The following PCLO variants were observed in gnomAD, a reference collection of about 807,000 sequenced individuals.
PCLO encodes the protein piccolo presynaptic cytomatrix protein, also known as protein piccolo.
PCLO carries 82 observed loss-of-function variants against 427.5 expected under a neutral mutation model. That is an observed-to-expected ratio of 0.19 (90% CI 0.16 to 0.23). The LOEUF (loss-of-function observed/expected upper bound fraction) is 0.23. Among genes scored for constraint, PCLO ranks in the 10% least tolerant of loss-of-function variants. The probability of loss-of-function intolerance (pLI) is 1.00; values close to 1 mark genes in which losing one functional copy is unlikely to be tolerated. For missense variants in PCLO, 6,239 were observed against 6,115.9 expected (o/e 1.02, Z -0.67); for synonymous variants, 2,357 against 2,155.4 (o/e 1.09, Z -2.59).
At chr7:82,855,653 G>T (rs1186177770) in intron 10 of PCLO, among the ~76,000 whole-genome samples, 1 of 152,108 alleles carries the variant, frequency 6.6e-6, no homozygotes, top group East Asian at 1.9e-4. Context: ...CTTATGGTGA[G>T]TAAACAGTGA....
At chr7:83,006,303 AT>A (rs1780337176) in intron 3 of PCLO, among the ~76,000 whole-genome samples, 2 of 151,720 alleles carry the variant, frequency 1.3e-5, no homozygotes, top group Admixed American at 1.3e-4. Context: ...TTAGAATTAC[AT>A]GTTTAAAAAC....
Position 82,950,031 on chromosome 7 carries a change from T to C in PCLO, c.10557A>G (p.Gln3519=), listed in dbSNP as rs755651894. ...TTTGCACAGATATCTCTGCTACCGT[T>C]TGAACTGCTATGCTGGAGACTTTGG... is the stretch of plus-strand genomic sequence containing the variant. ...PLSKVSSIAV[Q]TVAEISVQTE... The change falls in exon 6 of 25, where the codon CAA becomes CAG. Residue 3519 remains glutamine (Q), a synonymous_variant. Coordinates refer to ENST00000333891, the MANE Select transcript of PCLO (RefSeq NM_033026.6). The C allele has an allele frequency of 6.2e-7, 1 of 1,613,034 alleles. No individual in the cohort carries two copies. The highest frequency in any genetic ancestry group is 8.5e-7 in the Non-Finnish European group (1 of 1,179,716).
intron 22 of PCLO, among the ~76,000 whole-genome samples, chr7:82,785,613 T>C (rs1464872414): frequency 6.6e-6 from 1 of 151,992 alleles, no homozygotes; most frequent in Admixed American, 6.6e-5. Context: ...ATTGGCGCAA[T>C]GATGGAGGCA....
chr7:83,049,641 A>G (rs1004406276), intron 3 of PCLO, among the ~76,000 whole-genome samples: 3 of 152,102 alleles, frequency 2.0e-5, no homozygotes, highest in African/African-American at 7.2e-5. Context: ...ATGCTCCTAC[A>G]AATCTTTAAC....
At chr7:82,845,598 A>C in intron 12 of PCLO, 113 bp from the exon 13 acceptor site, 1 of 685,468 alleles carries the variant, frequency 1.5e-6, no homozygotes, top group Non-Finnish European at 2.5e-6. Flanking sequence ...AAAATAAGCT[A>C]AACTTTAAAA....
chr7:82,864,712 C>T (rs1216452791), intron 10 of PCLO, among the ~76,000 whole-genome samples: 3 of 151,796 alleles, frequency 2.0e-5, no homozygotes, highest in East Asian at 3.9e-4. Context: ...ATGTAATTGC[C>T]TCTATTTTGA....
In PCLO at chr7:82,822,449, A is replaced by ATGAACAT. The variant is rs776610156; in HGVS notation, c.14791+39_14791+45dup. On this transcript the variant is annotated intron_variant, in intron 20 of 24. Coordinates refer to ENST00000333891, the MANE Select transcript of PCLO (RefSeq NM_033026.6). ...GGACAGCAGGAAAGAAAGGCAACAG[A>ATGAACAT]TGAACATTAAGCTGCCATGCTGAGG... 1.8e-5 allele frequency: 29 copies of ATGAACAT among 1,612,816 alleles called. No individual in the cohort carries two copies. In the South Asian group the frequency reaches 3.1e-4, roughly 17 times the overall value.
chr7:83,014,843 A>G (rs1291217187), intron 3 of PCLO, among the ~76,000 whole-genome samples: 1 of 152,186 alleles, frequency 6.6e-6, no homozygotes, highest in Admixed American at 6.5e-5. Context: ...GCTTCCCAAG[A>G]ACAAGGAAAA....
At chr7:82,816,434 A>G (rs1791681056) in intron 20 of PCLO, among the ~76,000 whole-genome samples, 1 of 151,736 alleles carries the variant, frequency 6.6e-6, no homozygotes, top group Non-Finnish European at 1.5e-5. Flanking sequence ...TGGCATTCTC[A>G]TTGCCCTCCC....
intron 10 of PCLO, among the ~76,000 whole-genome samples, chr7:82,853,287 A>G (rs1437879543): frequency 6.6e-6 from 1 of 152,166 alleles, no homozygotes; most frequent in African/African-American, 2.4e-5. Flanking sequence ...CTTTCATCAA[A>G]GCAGGCTCAA....
In PCLO at chr7:82,824,333, A is replaced by T. The variant is rs1476614728; in HGVS notation, c.14499T>A (p.Asp4833Glu). ...TCTGACTGGAATGAGACTTGCCATG[A>T]TCAATGCTTTCAGTCTGTTCTTTGA... ...YPLKEQTESI[D>E]HGKSHSSQSS... Residue 4833 changes from aspartate (D) to glutamate (E), a missense_variant, in exon 19 of 25, where the codon GAT (aspartate) becomes GAA (glutamate). By Grantham distance (45) the Asp-to-Glu change is conservative (BLOSUM62 2). Coordinates refer to ENST00000333891, the MANE Select transcript of PCLO (RefSeq NM_033026.6). The T allele has an allele frequency of 6.8e-6, 11 of 1,613,294 alleles. No individual in the cohort carries two copies. Among genetic ancestry groups the T allele is most frequent in the Non-Finnish European group, 8.5e-6 (10 of 1,179,596 alleles).
rs775651255 is a variant in PCLO at position 82,847,124 on chromosome 7, TG to T, written c.13763+14del. The T allele has an allele frequency of 1.4e-6, 2 of 1,418,206 alleles. No homozygotes were observed. The highest frequency in any genetic ancestry group is 2.0e-6 in the Non-Finnish European group (2 of 1,010,308). 87.9% of individuals were successfully genotyped at this position (1,418,206 alleles called of 1,614,324 possible). Reference sequence around the variant, plus strand: ...TAGCCAAAAAATGGAAACAGAAAGATGGGGAAAAACTCACAGTCTTACACAT... The same window carrying T: ...TAGCCAAAAAATGGAAACAGAAAGATGGGAAAAACTCACAGTCTTACACAT... On this transcript the variant is annotated intron_variant, in intron 11 of 24. Coordinates refer to ENST00000333891, the MANE Select transcript of PCLO (RefSeq NM_033026.6).
chr7:82,862,619 G>C (rs1229837057), intron 10 of PCLO, among the ~76,000 whole-genome samples: 1 of 136,536 alleles, frequency 7.3e-6, no homozygotes, highest in Non-Finnish European at 1.6e-5. Flanking sequence ...TCCATCAACA[G>C]ATGAATGAAT....
chr7:82,847,869 C>A (rs774506163), intron 10 of PCLO, among the ~76,000 whole-genome samples: 6 of 152,100 alleles, frequency 3.9e-5, no homozygotes, highest in Admixed American at 6.6e-5. Flanking sequence ...AGGCCCTGTG[C>A]TCAGAAAGGC....
At chr7:83,054,883 T>C (rs1034943272) in intron 3 of PCLO, among the ~76,000 whole-genome samples, 1 of 152,100 alleles carries the variant, frequency 6.6e-6, no homozygotes, top group African/African-American at 2.4e-5. Flanking sequence ...ATTCCAACCA[T>C]GGCACAATGA....
At chr7:82,890,816 A>G (rs536795293) in intron 9 of PCLO, among the ~76,000 whole-genome samples, 4 of 152,106 alleles carry the variant, frequency 2.6e-5, no homozygotes, top group African/African-American at 9.6e-5. Context: ...AATCAAGGAA[A>G]AAAGAGGAGA....
intron 2 of PCLO, among the ~76,000 whole-genome samples, chr7:83,139,234 G>A (rs1173287215): frequency 1.3e-5 from 2 of 151,998 alleles, no homozygotes; most frequent in African/African-American, 4.8e-5. Flanking sequence ...AAAAAGAACT[G>A]AATAAATATT....
At position 83,155,503 on chromosome 7, in the gene PCLO, T is replaced by C. The variant is rs754186295; in HGVS notation, c.1138A>G (p.Lys380Glu). ...GGCCCAGGCTGCTCCGATGAAGGCT[T>C]CTCTGACCCAGTCTGCTGAGCTGGA... ...KPPAQQTGSE[K>E]PSSEQPGPKA... Residue 380 changes from lysine to glutamate, a missense_variant, in exon 2 of 25, where the codon AAG (lysine) becomes GAG (glutamate). Transcript: ENST00000333891. The C allele has an allele frequency of 6.2e-7, 1 of 1,612,818 alleles. No homozygotes were observed. Among genetic ancestry groups the C allele is most frequent in the Non-Finnish European group, 8.5e-7 (1 of 1,179,350 alleles).
rs1554396453 is a variant in PCLO, at chr7:83,096,986, A to AT, written c.3300+37263_3300+37264insA. Among the ~76,000 whole-genome samples the AT allele has an allele frequency of 2.1e-4, 6 of 28,734 alleles. 2 individuals carry two copies. The highest frequency in any genetic ancestry group is 1.4e-3 in the South Asian group (2 of 1,384). The allele number at this position is 28,734 out of a possible 152,430, so 18.9% of individuals were successfully genotyped here. A position where few individuals can be genotyped will look rare whatever the true frequency, so the allele number is the denominator to read the frequency against. On this transcript the variant is annotated intron_variant, in intron 3 of 24. Transcript: ENST00000333891. ...AATATAATATATTATATATTATATA[A>AT]ATAATATATATTATATAAATAATAT...
Sources: gnomAD v4.1 joint callset for allele counts (sites outside exome capture counted in the v4.1 genomes callset) on GRCh38, gnomAD v4.1.1 for gene constraint, MANE v1.5 for transcripts, NCBI Gene and HGNC (gene_info 2026-07-23, HGNC 2026-07-21) for gene names.